The following SHROOM2 variants were observed in gnomAD, a reference collection of about 807,000 sequenced individuals.
SHROOM2 encodes the protein shroom family member 2.
Under a neutral mutation model 75.9 loss-of-function variants are expected in SHROOM2, and 33 were observed. That is an observed-to-expected ratio of 0.43 (90% CI 0.33 to 0.58). The LOEUF (loss-of-function observed/expected upper bound fraction) is 0.58. Ranked by LOEUF, SHROOM2 falls within the 20% of genes least tolerant of loss-of-function variation. The probability of loss-of-function intolerance (pLI) is 0.04; values close to 1 mark genes in which losing one functional copy is unlikely to be tolerated. For missense variants in SHROOM2, 1,434 were observed against 1,461.2 expected (o/e 0.98, Z 0.30); for synonymous variants, 655 against 663.6 (o/e 0.99, Z 0.20).
At chrX:9,866,084 A>ATTTTTTT (rs773543500) in intron 1 of SHROOM2, among the ~76,000 whole-genome samples, 2 of 78,761 alleles carry the variant, frequency 2.5e-5, no homozygotes, top group African/African-American at 5.2e-5. Flanking sequence ...GGGGCCAGGA[A>ATTTTTTT]TTTTTTTTTT....
At position 9,937,321 on chromosome X, in the gene SHROOM2, C is replaced by T; in HGVS notation, c.3775C>T (p.Arg1259Cys). The T allele has an allele frequency of 7.5e-6, 9 of 1,207,853 alleles. No individual in the cohort carries two copies. Among genetic ancestry groups the T allele is most frequent in the Non-Finnish European group, 9.0e-6 (8 of 893,543 alleles). ...TLSTSEQFYS[R>C]FCLYTRQGAE... is the part of the protein sequence containing the mutation. ...GAGCACATCTGAGCAGTTCTACTCG[C>T]GCTTCTGTCTGTACACGCGGCAGGG... The change falls in exon 7 of 10, where the codon CGC (arginine) becomes TGC (cysteine). Residue 1259 changes from arginine to cysteine, a missense_variant. Arg to Cys is a radical substitution (Grantham distance 180). Coordinates refer to ENST00000380913, the MANE Select transcript of SHROOM2 (RefSeq NM_001649.4).
chrX:9,878,937 C>T, intron 2 of SHROOM2, among the ~76,000 whole-genome samples: 1 of 112,114 alleles, frequency 8.9e-6, no homozygotes, highest in African/African-American at 3.2e-5. Flanking sequence ...CTGTTTGCTA[C>T]TGTGCTTATT....
At chrX:9,815,434 ATGTGTGTGTGTGTGTGTGTGTGTGTG>A (rs56223508) in intron 1 of SHROOM2, among the ~76,000 whole-genome samples, 13 of 88,721 alleles carry the variant, frequency 1.5e-4, no homozygotes, top group African/African-American at 5.0e-4. Flanking sequence ...TATACATATT[ATGTGTGTGTGTGTGTGTGTGTGTGTG>A]TGTGTGTGTG....
chrX:9,921,333 A>G (rs1001927278), intron 5 of SHROOM2, among the ~76,000 whole-genome samples: 2 of 112,229 alleles, frequency 1.8e-5, no homozygotes, highest in South Asian at 3.7e-4. Flanking sequence ...AAGGCTGTAC[A>G]TATTTAATGT....
At chrX:9,823,618 G>A (rs2083871743) in intron 1 of SHROOM2, among the ~76,000 whole-genome samples, 1 of 111,441 alleles carries the variant, frequency 9.0e-6, no homozygotes, top group East Asian at 2.8e-4. Context: ...ACAGAATCAG[G>A]TAGTAGTTAC....
At chrX:9,945,234 G>A (rs1309448191) in intron 9 of SHROOM2, among the ~76,000 whole-genome samples, 1 of 110,355 alleles carries the variant, frequency 9.1e-6, no homozygotes, top group Admixed American at 9.7e-5. Context: ...TCAGCTTCCC[G>A]GGTAGCTGAG....
chrX:9,825,512 A>G (rs1352600016), intron 1 of SHROOM2, among the ~76,000 whole-genome samples: 1 of 112,457 alleles, frequency 8.9e-6, no homozygotes, highest in Non-Finnish European at 1.9e-5. Flanking sequence ...AGAAAGTGAC[A>G]TTGTAACTTC....
At chrX:9,788,872 A>G (rs1357659208) in intron 1 of SHROOM2, among the ~76,000 whole-genome samples, 2 of 110,826 alleles carry the variant, frequency 1.8e-5, no homozygotes. Context: ...AGGTGTGATG[A>G]CAAAAATGTC....
In SHROOM2 at chrX:9,829,420, T is replaced by C. The variant is rs144126650; in HGVS notation, c.165+42710T>C. 5.3e-3 allele frequency among the ~76,000 whole-genome samples: 596 copies of C among 111,938 alleles called. 3 individuals are homozygous for C. The highest frequency in any genetic ancestry group is 0.019 in the African/African-American group (576 of 30,853). The stretch of plus-strand genomic sequence containing the variant: ...TTTTCCAGTGCCCTTGCAGTAGGTG[T>C]GATTGCTTTGTTGGCTAAGAGCTGA... On this transcript the variant is annotated intron_variant, in intron 1 of 9. Coordinates refer to ENST00000380913, the MANE Select transcript of SHROOM2 (RefSeq NM_001649.4).
intron 2 of SHROOM2, among the ~76,000 whole-genome samples, chrX:9,885,781 C>T (rs2084257581): frequency 9.1e-6 from 1 of 109,427 alleles, no homozygotes; most frequent in African/African-American, 3.3e-5. Context: ...ATAACGATAC[C>T]CCATCTCTCA....
chrX:9,828,230 C>T (rs192777329), intron 1 of SHROOM2, among the ~76,000 whole-genome samples: 2 of 112,024 alleles, frequency 1.8e-5, no homozygotes, highest in Admixed American at 9.4e-5. Flanking sequence ...AACTGCATGG[C>T]GGGGGAATGC....
chrX:9,906,358 G>A (rs2084391134), intron 5 of SHROOM2, among the ~76,000 whole-genome samples: 1 of 111,941 alleles, frequency 8.9e-6, no homozygotes, highest in Non-Finnish European at 1.9e-5. Flanking sequence ...GAATCTGATA[G>A]TGGTGATGGT....
chrX:9,932,480 C>T lies in SHROOM2; in HGVS notation c.3197C>T (p.Pro1066Leu), dbSNP rs757661097. 1.7e-5 allele frequency: 21 copies of T among 1,206,427 alleles called. No individual in the cohort carries two copies. The highest frequency in any genetic ancestry group is 3.0e-5 in the East Asian group (1 of 33,657). Residue 1066 changes from proline to leucine, a missense_variant, in exon 6 of 10, where the codon CCG becomes CTG. This residue lies in a region of SHROOM2 where 1,340 missense variants were observed against 1,338.3 expected (regional missense o/e 1.00). Transcript: ENST00000380913. ...LSKRPAPQRP[P>L]PPKREPRRYR... The stretch of plus-strand genomic sequence containing the variant: ...AAGAGGCCAGCCCCACAGAGGCCAC[C>T]GCCACCCAAGCGCGAGCCCAGGAGA...
At chrX:9,884,964 C>A (rs1415225359) in intron 2 of SHROOM2, among the ~76,000 whole-genome samples, 1 of 111,767 alleles carries the variant, frequency 8.9e-6, no homozygotes, top group African/African-American at 3.3e-5. Context: ...AATCCCAGCA[C>A]TTTGGGAGGC....
intron 5 of SHROOM2, among the ~76,000 whole-genome samples, chrX:9,925,272 G>C (rs1374090092): frequency 1.8e-5 from 2 of 112,066 alleles, no homozygotes; most frequent in Non-Finnish European, 3.8e-5. Flanking sequence ...AAATGACATG[G>C]GTGTGCCGGC....
In SHROOM2 at chrX:9,898,169, T is replaced by C. The variant is rs757847896; in HGVS notation, c.2791-21T>C. 1.9e-5 allele frequency: 22 copies of C among 1,144,749 alleles called. No individual in the cohort carries two copies. In the Admixed American group the frequency reaches 3.6e-4, roughly 19 times the overall value. 94.3% of individuals were successfully genotyped at this position (1,144,749 alleles called of 1,213,427 possible). On this transcript the variant is annotated intron_variant, in intron 4 of 9. Transcript: ENST00000380913. Reference sequence around the variant, plus strand: ...GAAGGCAGCTTGAGGACTTGGTGTCTCATTATGTTGCCCTTTGCAGGAAGC... The same window carrying C: ...GAAGGCAGCTTGAGGACTTGGTGTCCCATTATGTTGCCCTTTGCAGGAAGC...
intron 5 of SHROOM2, among the ~76,000 whole-genome samples, chrX:9,912,198 GACACACACACAC>G (rs57939278): frequency 0.014 from 218 of 16,142 alleles, 20 homozygotes; most frequent in African/African-American, 0.043. Context: ...TAAATTACAA[GACACACACACAC>G]ACACACACAC....
chrX:9,787,091 C>T (rs955317405), intron 1 of SHROOM2, among the ~76,000 whole-genome samples: 1 of 111,819 alleles, frequency 8.9e-6, no homozygotes, highest in Admixed American at 9.4e-5. Context: ...CTCTGGGGTC[C>T]CTGGTTCGGC....
At chrX:9,874,243 G>T (rs1365249107) in intron 2 of SHROOM2, among the ~76,000 whole-genome samples, 2 of 111,838 alleles carry the variant, frequency 1.8e-5, no homozygotes, top group African/African-American at 6.5e-5. Context: ...TGGAGGGAGG[G>T]TCTGGAGGGA....
Sources: gnomAD v4.1 joint callset for allele counts (sites outside exome capture counted in the v4.1 genomes callset) on GRCh38, gnomAD v4.1.1 for gene constraint, gnomAD v4.1.1 regional missense constraint, MANE v1.5 for transcripts, NCBI Gene and HGNC (gene_info 2026-07-23, HGNC 2026-07-21) for gene names.